MFAP5: variants seen among roughly 807,000 people sequenced by gnomAD.
MFAP5 encodes microfibril associated protein 5.
A neutral mutation model predicts 30.1 loss-of-function variants in MFAP5; 19 were observed. That is an observed-to-expected ratio of 0.63 (90% CI 0.44 to 0.93). The LOEUF (loss-of-function observed/expected upper bound fraction) is 0.93, where lower values mean the gene tolerates loss of function less well. MFAP5 is among the 40% of genes least tolerant of loss of function. The pLI, the probability that MFAP5 is intolerant of heterozygous loss-of-function variation, is 0.00. For missense variants in MFAP5, 210 were observed against 221.3 expected, an observed-to-expected ratio of 0.95 and a Z score of 0.32; for synonymous variants, 92 against 72.9, an observed-to-expected ratio of 1.26 and a Z score of -1.33.
At chr12:8,652,016 G>A (rs539837751) in intron 6 of MFAP5, among the ~76,000 whole-genome samples, 1 of 152,286 alleles carries the variant, frequency 6.6e-6, no homozygotes, top group East Asian at 1.9e-4. Context: ...TACATGCCCA[G>A]AGGAGCTTCT....
chr12:8,655,869 G>C, intron 3 of MFAP5, 39 bp from the exon 4 acceptor site: 1 of 1,567,494 alleles, frequency 6.4e-7, no homozygotes, highest in Non-Finnish European at 8.8e-7. Context: ...GAGATTCTCT[G>C]TCTCCCTGCC....
At chr12:8,657,025 A>G (rs771241563) in intron 3 of MFAP5, among the ~76,000 whole-genome samples, 2 of 152,274 alleles carry the variant, frequency 1.3e-5, no homozygotes, top group Non-Finnish European at 1.5e-5. Context: ...CTCTTATTAT[A>G]CACATACAAA....
intron 6 of MFAP5, among the ~76,000 whole-genome samples, chr12:8,652,102 A>T (rs1941853725): frequency 6.6e-6 from 1 of 152,196 alleles, no homozygotes; most frequent in Non-Finnish European, 1.5e-5. Flanking sequence ...TTTTCTGTAG[A>T]TTAGATACAT....
Position 8,646,501 on chromosome 12 carries a change from C to A in MFAP5, c.*1590G>T, listed in dbSNP as rs1167865140. 1 of 152,002 alleles carries A rather than the reference C, an allele frequency of 6.6e-6. No individual in the cohort carries two copies. Among genetic ancestry groups the A allele is most frequent in the African/African-American group, 2.4e-5 (1 of 41,370 alleles). The allele number at this position is 152,002 out of a possible 1,614,324, so 9.4% of individuals were successfully genotyped here. A position where few individuals can be genotyped will look rare whatever the true frequency, so the allele number is the denominator to read the frequency against. On this transcript the variant is annotated 3_prime_UTR_variant, in exon 10 of 10. Transcript: ENST00000359478. ...TCTTCTATTCCATTGTGGACTGCTA[C>A]CCTCACCTAGGATAAAGCAGATATG...
chr12:8,647,106 A>G lies in MFAP5; in HGVS notation c.*985T>C, dbSNP rs1419855909. 6.6e-6 allele frequency: 1 copy of G among 152,140 alleles called. No homozygotes were observed. The highest frequency in any genetic ancestry group is 2.4e-5 in the African/African-American group (1 of 41,438). The allele number at this position is 152,140 out of a possible 1,614,324, so 9.4% of individuals were successfully genotyped here. ...CTCTTTCGTATTAACTATTAGGCAA[A>G]CTTTCTGTCTGCCTATTAAAATTCA... On this transcript the variant is annotated 3_prime_UTR_variant, in exon 10 of 10. Transcript: ENST00000359478.
At chr12:8,648,620 A>G in intron 9 of MFAP5, 1 of 947,756 alleles carries the variant, frequency 1.1e-6, no homozygotes, top group Non-Finnish European at 1.5e-6. Flanking sequence ...ATGGGCAAAC[A>G]GCTAACTTTA....
chr12:8,650,448 A>C, intron 8 of MFAP5, 54 bp downstream of exon 8: 2 of 1,559,278 alleles, frequency 1.3e-6, no homozygotes, highest in Non-Finnish European at 1.8e-6. Flanking sequence ...AATAGTTATC[A>C]ACACAGAAAC....
intron 7 of MFAP5, 39 bp from the exon 8 acceptor site, chr12:8,650,628 T>C (rs1246150468): frequency 6.5e-7 from 1 of 1,542,284 alleles, no homozygotes; most frequent in Non-Finnish European, 9.0e-7. Flanking sequence ...GAGGTCCAAA[T>C]AGAAGCAGCA....
chr12:8,648,260 G>T, intron 9 of MFAP5, 57 bp from the exon 10 acceptor site: 1 of 1,415,614 alleles, frequency 7.1e-7, no homozygotes, highest in East Asian at 2.3e-5. Context: ...AAAGGCTCTT[G>T]TTTTAAGGGA....
At chr12:8,656,879 G>A (rs1942017555) in intron 3 of MFAP5, among the ~76,000 whole-genome samples, 1 of 151,938 alleles carries the variant, frequency 6.6e-6, no homozygotes, top group Non-Finnish European at 1.5e-5. Context: ...TATTGGCCAG[G>A]CTGGTCTTGA....
Position 8,649,585 on chromosome 12 carries a change from C to T in MFAP5, c.336-11G>A, listed in dbSNP as rs753493759. The T allele has an allele frequency of 2.3e-5, 37 of 1,612,168 alleles. 1 individual carries two copies. In the South Asian group the frequency reaches 3.5e-4, roughly 15 times the overall value. ...TACATACGTCGTAAACTGCAGACGT[C>T]CCAGTGTCATAGGCAAGGAAGGAGA... On this transcript the variant is annotated splice_polypyrimidine_tract_variant and intron_variant, in intron 8 of 9. Transcript: ENST00000359478.
In MFAP5 at chr12:8,646,363, C is replaced by T. The variant is rs1376541775; in HGVS notation, c.*1728G>A. 1 of 152,130 alleles carries T rather than the reference C, an allele frequency of 6.6e-6. No individual in the cohort carries two copies. Among genetic ancestry groups the T allele is most frequent in the African/African-American group, 2.4e-5 (1 of 41,422 alleles). The allele number at this position is 152,130 out of a possible 1,614,324, so 9.4% of individuals were successfully genotyped here. On this transcript the variant is annotated 3_prime_UTR_variant, in exon 10 of 10. Coordinates refer to ENST00000359478, the MANE Select transcript of MFAP5 (RefSeq NM_003480.4). ...ATACAACCTCCACTGTCATATATAA[C>T]TTGTTGTCTCCTAGCTCCTATTTGA...
intron 9 of MFAP5, chr12:8,648,648 C>T: frequency 1.5e-6 from 1 of 651,132 alleles, no homozygotes; most frequent in Non-Finnish European, 2.3e-6. Flanking sequence ...CCTTGAGATA[C>T]TTGAAAGTGC....
chr12:8,648,612 G>A lies in MFAP5; in HGVS notation c.410-409C>T, dbSNP rs1015527623. 2.0e-5 allele frequency: 21 copies of A among 1,029,358 alleles called. No homozygotes were observed. The African/African-American group carries it at 3.2e-4, about 15-fold the overall frequency. The allele number at this position is 1,029,358 out of a possible 1,614,324, so 63.8% of individuals were successfully genotyped here. ...CAGTATACATTTACGTGCTTACTAT[G>A]GGCAAACAGCTAACTTTAGGAAGTC... On this transcript the variant is annotated intron_variant, in intron 9 of 9. Coordinates refer to ENST00000359478, the MANE Select transcript of MFAP5 (RefSeq NM_003480.4).
At chr12:8,654,821 A>T (rs1250627388) in intron 5 of MFAP5, among the ~76,000 whole-genome samples, 1 of 151,808 alleles carries the variant, frequency 6.6e-6, no homozygotes, top group South Asian at 2.1e-4. Flanking sequence ...GGCGCCTGTA[A>T]TCCCAGCTAC....
rs892596343 is a variant in MFAP5, at chr12:8,647,878, G to T, written c.*213C>A. ...TGATATTGAGAAGCAGCAAAATTAT[G>T]CAATAATATAGACTTTGTATTTTAA... is the stretch of plus-strand genomic sequence containing the variant. On this transcript the variant is annotated 3_prime_UTR_variant, in exon 10 of 10. Transcript: ENST00000359478. 4 of 395,830 alleles carry T rather than the reference G, an allele frequency of 1.0e-5. No individual in the cohort carries two copies. The highest frequency in any genetic ancestry group is 8.1e-5 in the African/African-American group (4 of 49,116). 24.5% of individuals were successfully genotyped at this position (395,830 alleles called of 1,614,324 possible).
At chr12:8,660,438 C>T (rs1031322190) in intron 3 of MFAP5, among the ~76,000 whole-genome samples, 5 of 152,070 alleles carry the variant, frequency 3.3e-5, no homozygotes, top group African/African-American at 1.2e-4. Flanking sequence ...CCTCCTGCCT[C>T]AGCCTCCCAA....
Position 8,648,203 on chromosome 12 carries a change from T to C in MFAP5, c.410A>G (p.Asp137Gly). 1 of 1,610,756 alleles carries C rather than the reference T, an allele frequency of 6.2e-7. No homozygotes were observed. The highest frequency in any genetic ancestry group is 2.2e-5 in the East Asian group (1 of 44,864). ...ACCAGCCATCTGACGGCAAAGCTCA[T>C]CTAGAAGAGAAGCAGAACATCATGG... ...LVCKEHEAMKDELCRQMAGLP... is the reference protein window; with the variant it reads ...LVCKEHEAMKGELCRQMAGLP... Residue 137 changes from aspartate (D) to glycine (G), a missense_variant and splice_region_variant, in exon 10 of 10, where the codon GAT becomes GGT. Physicochemically the swap from Asp to Gly is moderately conservative, Grantham distance 94. Transcript: ENST00000359478.
intron 4 of MFAP5, 141 bp from the exon 5 acceptor site, chr12:8,655,588 C>A: frequency 3.0e-6 from 3 of 1,016,326 alleles, no homozygotes; most frequent in Admixed American, 2.6e-5. Flanking sequence ...GAGGGACTAT[C>A]GCAGAAAGAA....
Sources: gnomAD v4.1 joint callset for allele counts (sites outside exome capture counted in the v4.1 genomes callset) on GRCh38, gnomAD v4.1.1 for gene constraint, MANE v1.5 for transcripts, NCBI Gene and HGNC (gene_info 2026-07-23, HGNC 2026-07-21) for gene names.